The following SUPT20H variants were observed in gnomAD, a reference collection of about 807,000 sequenced individuals.
SUPT20H encodes the protein SPT20 homolog, SAGA complex component.
A neutral mutation model predicts 122.8 loss-of-function variants in SUPT20H; 82 were observed. That is an observed-to-expected ratio of 0.67 (90% CI 0.56 to 0.80). The LOEUF is 0.80. SUPT20H is among the 30% of genes least tolerant of loss of function. SUPT20H has a pLI of 0.00. For synonymous variants in SUPT20H, 291 were observed against 313.0 expected (o/e 0.93, Z 0.74); for missense variants, 831 against 921.6 (o/e 0.90, Z 1.27).
rs142851519 is a variant in SUPT20H at position 37,052,777 on chromosome 13, C to A, written c.-93-1194G>T. On this transcript the variant is annotated intron_variant, in intron 1 of 25. Transcript: ENST00000350612. ...AGAATGGGCGATAATTTTTTGCAAT[C>A]TATCCTTCTGACAAAGGTCTAATAC... Among the ~76,000 whole-genome samples, 389 of 152,264 alleles carry A rather than the reference C, an allele frequency of 2.6e-3. 3 individuals carry two copies. Among genetic ancestry groups the A allele is most frequent in the Middle Eastern group, 6.8e-3 (2 of 294 alleles).
Position 37,009,500 on chromosome 13 carries a change from A to C in SUPT20H, c.*172T>G. The C allele has an allele frequency of 1.1e-6, 1 of 920,600 alleles. No homozygotes were observed. Among genetic ancestry groups the C allele is most frequent in the Non-Finnish European group, 1.7e-6 (1 of 605,528 alleles). 57.0% of individuals were successfully genotyped at this position (920,600 alleles called of 1,614,324 possible). A position where few individuals can be genotyped will look rare whatever the true frequency, so the allele number is the denominator to read the frequency against. On this transcript the variant is annotated 3_prime_UTR_variant, in exon 26 of 26. Transcript: ENST00000350612. ...TTAGGCAAACCAACCCTAGTTTGTT[A>C]AACCATTTCCCTGTTTTTATTTAAA... is the stretch of plus-strand genomic sequence containing the variant.
chr13:37,040,297 C>T (rs2065242492), intron 9 of SUPT20H, 108 bp downstream of exon 9: 2 of 1,015,498 alleles, frequency 2.0e-6, no homozygotes, highest in Non-Finnish European at 2.8e-6. Flanking sequence ...CATAAAGCAT[C>T]AAACTTAATT....
rs2066194627 is a variant in SUPT20H, at chr13:37,045,165, A to G, written c.292+82T>C. 7 of 1,567,682 alleles carry G rather than the reference A, an allele frequency of 4.5e-6. No homozygotes were observed. In the East Asian group the frequency reaches 1.6e-4, roughly 35 times the overall value. On this transcript the variant is annotated intron_variant, in intron 6 of 25. Transcript: ENST00000350612. ...CTATCTGAAGGACAAATGCTTTAGC[A>G]GGTTAAAAAACTACTTTAAAAAAAC...
chr13:37,057,977 A>AT (rs2069569353), intron 1 of SUPT20H, among the ~76,000 whole-genome samples: 1 of 150,092 alleles, frequency 6.7e-6, no homozygotes. Context: ...CCGTCTCAAA[A>AT]AAAAAAAAAA....
chr13:37,046,266 A>G (rs2066404580), intron 5 of SUPT20H, among the ~76,000 whole-genome samples: 1 of 152,164 alleles, frequency 6.6e-6, no homozygotes, highest in Non-Finnish European at 1.5e-5. Flanking sequence ...TAAACTAGTA[A>G]AGAGAGACTT....
At chr13:37,059,037 C>T (rs1424723731) in intron 1 of SUPT20H, among the ~76,000 whole-genome samples, 2 of 152,170 alleles carry the variant, frequency 1.3e-5, no homozygotes, top group Non-Finnish European at 2.9e-5. Flanking sequence ...GGCAACTGTT[C>T]TCCAAGTTCA....
chr13:37,046,582 T>C (rs2066479353), intron 5 of SUPT20H, among the ~76,000 whole-genome samples: 2 of 152,154 alleles, frequency 1.3e-5, no homozygotes, highest in Admixed American at 1.3e-4. Flanking sequence ...AAACATGCAG[T>C]AGGCCACATT....
Position 37,031,940 on chromosome 13 carries a change from ACT to A in SUPT20H, c.708-47_708-46del, listed in dbSNP as rs756918339. ...GAACTAAACGGCACTAATAAAAGAA[ACT>A]CATAATATATGTGAGTTGAAACTAG... On this transcript the variant is annotated intron_variant, in intron 10 of 25. Coordinates refer to ENST00000350612, the MANE Select transcript of SUPT20H (RefSeq NM_001014286.3). The A allele has an allele frequency of 2.0e-6, 3 of 1,517,280 alleles. No individual in the cohort carries two copies. In the South Asian group the frequency reaches 4.0e-5, roughly 20 times the overall value. The allele number at this position is 1,517,280 out of a possible 1,614,324, so 94.0% of individuals were successfully genotyped here.
rs947321958 is a variant in SUPT20H, at chr13:37,017,794, CAAG to C, written c.1873-433_1873-431del. Among the ~76,000 whole-genome samples, 8 of 152,094 alleles carry C rather than the reference CAAG, an allele frequency of 5.3e-5. No individual in the cohort carries two copies. The South Asian group carries it at 1.2e-3, about 24-fold the overall frequency. Reference sequence around the variant, plus strand: ...TTTTGCCAAAAACACAAATATTATACAAGATCTTTTGTATAACACAGTGAGGAA... The same window carrying C: ...TTTTGCCAAAAACACAAATATTATACATCTTTTGTATAACACAGTGAGGAA... On this transcript the variant is annotated intron_variant, in intron 22 of 25. Coordinates refer to ENST00000350612, the MANE Select transcript of SUPT20H (RefSeq NM_001014286.3).
Position 37,045,286 on chromosome 13 carries a change from C to A in SUPT20H, c.253G>T (p.Glu85Ter). Reference sequence around the variant, plus strand: ...CCCCTGAGCATCAGAGAATATCCCTCATTTCCTGGGTATAGATTGACCACT... The same window carrying A: ...CCCCTGAGCATCAGAGAATATCCCTAATTTCCTGGGTATAGATTGACCACT... ...CLVVNLYPGN[E>*]GYSLMLRGKN... Residue 85 changes from glutamate to a stop codon, truncating the protein, a stop_gained, in exon 6 of 26, where the codon GAG (glutamate) becomes TAG (stop). Coordinates refer to ENST00000350612, the MANE Select transcript of SUPT20H (RefSeq NM_001014286.3). LOFTEE classifies it high-confidence loss of function. 1 of 1,613,814 alleles carries A rather than the reference C, an allele frequency of 6.2e-7. No homozygotes were observed. The highest frequency in any genetic ancestry group is 8.5e-7 in the Non-Finnish European group (1 of 1,179,796).
chr13:37,010,546 G>C lies in SUPT20H; in HGVS notation c.2202+6C>G. On this transcript the variant is annotated splice_donor_region_variant and intron_variant, in intron 25 of 25. Transcript: ENST00000350612. Reference sequence around the variant, plus strand: ...AAATGTAATCAGAGTGAAGTTGCTGGATTACTTGTATCTGTTGCTGCTGCT... The same window carrying C: ...AAATGTAATCAGAGTGAAGTTGCTGCATTACTTGTATCTGTTGCTGCTGCT... The C allele has an allele frequency of 1.2e-6, 2 of 1,612,328 alleles. No individual in the cohort carries two copies. Among genetic ancestry groups the C allele is most frequent in the Non-Finnish European group, 8.5e-7 (1 of 1,178,602 alleles).
chr13:37,043,992 T>C (rs1489613437), intron 7 of SUPT20H, 86 bp downstream of exon 7: 2 of 755,408 alleles, frequency 2.6e-6, no homozygotes, highest in Non-Finnish European at 4.3e-6. Flanking sequence ...TATATACATA[T>C]ATGTATACAT....
rs554779588 is a variant in SUPT20H, at chr13:37,032,249, GA to G, written c.708-355del. ...GAAGGAATGGGGAGAGGGAGGGGAGGAAAAGAGTCTGAAAAAATGACATGTG... is the reference window on the plus strand; with the variant it reads ...GAAGGAATGGGGAGAGGGAGGGGAGGAAAGAGTCTGAAAAAATGACATGTG... On this transcript the variant is annotated intron_variant, in intron 10 of 25. Coordinates refer to ENST00000350612, the MANE Select transcript of SUPT20H (RefSeq NM_001014286.3). Among the ~76,000 whole-genome samples, 137 of 152,032 alleles carry G rather than the reference GA, an allele frequency of 9.0e-4. 1 individual carries two copies. Among genetic ancestry groups the G allele is most frequent in the African/African-American group, 3.2e-3 (133 of 41,474 alleles).
In SUPT20H at chr13:37,042,797, G is replaced by C. The variant is rs191451299; in HGVS notation, c.396+1281C>G. On this transcript the variant is annotated intron_variant, in intron 7 of 25. Transcript: ENST00000350612. ...ATTCTTTGAGTAGCGTGGCTGTCAA[G>C]AGTAACAAGAGCAGTAGTTGGAGAA... is the stretch of plus-strand genomic sequence containing the variant. 4.1e-3 allele frequency among the ~76,000 whole-genome samples: 625 copies of C among 152,304 alleles called. 5 individuals are homozygous for C. Among genetic ancestry groups the C allele is most frequent in the African/African-American group, 0.015 (609 of 41,572 alleles).
chr13:37,055,194 A>C (rs2068660467), intron 1 of SUPT20H, among the ~76,000 whole-genome samples: 1 of 152,224 alleles, frequency 6.6e-6, no homozygotes, highest in Non-Finnish European at 1.5e-5. Flanking sequence ...CATATTGCTC[A>C]AGGTAATTTA....
At chr13:37,033,682 TCTG>T (rs2063812698) in intron 9 of SUPT20H, 94 bp from the exon 10 acceptor site, 2 of 1,375,980 alleles carry the variant, frequency 1.5e-6, no homozygotes, top group Admixed American at 2.1e-5. Flanking sequence ...TCCCTGGAAT[TCTG>T]CTAAGGACTA....
In SUPT20H at chr13:37,031,641, A is replaced by G; in HGVS notation, c.865-18T>C. 2.6e-6 allele frequency: 4 copies of G among 1,555,906 alleles called. No homozygotes were observed. Among genetic ancestry groups the G allele is most frequent in the Non-Finnish European group, 3.4e-6 (4 of 1,159,606 alleles). On this transcript the variant is annotated intron_variant, in intron 11 of 25. Transcript: ENST00000350612. ...TCTACACACTGAAAAATTAAAAACAATATACTGAAAAATTAAAAACAATAT... is the reference window on the plus strand; with the variant it reads ...TCTACACACTGAAAAATTAAAAACAGTATACTGAAAAATTAAAAACAATAT...
intron 2 of SUPT20H, among the ~76,000 whole-genome samples, chr13:37,048,957 A>G (rs1458191062): frequency 6.6e-6 from 1 of 151,992 alleles, no homozygotes; most frequent in Non-Finnish European, 1.5e-5. Flanking sequence ...AAAATGAACC[A>G]AAGGCTAAAC....
At chr13:37,021,692 A>C in intron 20 of SUPT20H, 90 bp from the exon 21 acceptor site, 1 of 1,354,498 alleles carries the variant, frequency 7.4e-7, no homozygotes, top group Non-Finnish European at 9.9e-7. Context: ...AAAACTACTA[A>C]GCAAACACAA....
Sources: allele counts gnomAD v4.1 joint callset (sites outside exome capture counted in the v4.1 genomes callset), GRCh38; gene constraint gnomAD v4.1.1; transcripts MANE v1.5; gene names NCBI Gene and HGNC (gene_info 2026-07-23, HGNC 2026-07-21).